PRKCQ: variants seen among roughly 807,000 people sequenced by gnomAD.
PRKCQ encodes protein kinase C theta.
Under a neutral mutation model 91.2 loss-of-function variants are expected in PRKCQ, and 41 were observed. The ratio of observed to expected loss-of-function variants is 0.45; its 90% CI spans 0.35 to 0.58. The LOEUF (loss-of-function observed/expected upper bound fraction) is 0.58. Among genes scored for constraint, PRKCQ ranks in the 20% least tolerant of loss-of-function variants. The probability of loss-of-function intolerance (pLI) is 0.00; values close to 1 mark genes in which losing one functional copy is unlikely to be tolerated. For synonymous variants in PRKCQ, 307 were observed against 316.9 expected (o/e 0.97, Z 0.33); for missense variants, 673 against 896.5 (o/e 0.75, Z 3.18).
At chr10:6,474,251 C>G (rs1042597601) in intron 12 of PRKCQ, among the ~76,000 whole-genome samples, 1 of 152,198 alleles carries the variant, frequency 6.6e-6, no homozygotes, top group Non-Finnish European at 1.5e-5. Flanking sequence ...TTGGCATCAC[C>G]CTGGGAGGCC....
chr10:6,449,764 G>T (rs1834547205), intron 15 of PRKCQ, among the ~76,000 whole-genome samples: 1 of 152,200 alleles, frequency 6.6e-6, no homozygotes, highest in Non-Finnish European at 1.5e-5. Flanking sequence ...CCAGAAGACA[G>T]TGGGGACCAA....
chr10:6,502,661 G>T (rs1837982055), intron 4 of PRKCQ, among the ~76,000 whole-genome samples: 3 of 152,166 alleles, frequency 2.0e-5, no homozygotes. Flanking sequence ...GATGGGATAT[G>T]GCAGGAGGTA....
chr10:6,451,225 T>TA (rs1368007113), intron 15 of PRKCQ, among the ~76,000 whole-genome samples: 1 of 148,740 alleles, frequency 6.7e-6, no homozygotes, highest in East Asian at 2.3e-4. Context: ...ATAAACACAA[T>TA]AAAAAATGAT....
chr10:6,508,373 C>G (rs1473226770), intron 3 of PRKCQ, among the ~76,000 whole-genome samples: 1 of 152,194 alleles, frequency 6.6e-6, no homozygotes, highest in Non-Finnish European at 1.5e-5. Flanking sequence ...TAAGAAATAG[C>G]AAGTAATGTC....
intron 1 of PRKCQ, among the ~76,000 whole-genome samples, chr10:6,519,144 G>T (rs1838897603): frequency 6.6e-6 from 1 of 152,184 alleles, no homozygotes; most frequent in Non-Finnish European, 1.5e-5. Context: ...ATTTTCATGG[G>T]TTGCCTTTTG....
chr10:6,432,200 G>T (rs554835838), intron 16 of PRKCQ, among the ~76,000 whole-genome samples: 1 of 152,232 alleles, frequency 6.6e-6, no homozygotes, highest in African/African-American at 2.4e-5. Flanking sequence ...CCAGGGACTT[G>T]ACCTCCATTC....
chr10:6,428,477 G>T lies in PRKCQ; in HGVS notation c.1966-115C>A, dbSNP rs1280464605. ...GCGTATGGCAAAGTTGGTGTTTGCA[G>T]AGACACTAAATGGAGGCAATGCCTA... On this transcript the variant is annotated intron_variant, in intron 17 of 17. Transcript: ENST00000263125. The T allele has an allele frequency of 3.4e-6, 4 of 1,190,746 alleles. No individual in the cohort carries two copies. The East Asian group carries it at 9.4e-5, about 28-fold the overall frequency. 73.8% of individuals were successfully genotyped at this position (1,190,746 alleles called of 1,614,324 possible). A position where few individuals can be genotyped will look rare whatever the true frequency, so the allele number is the denominator to read the frequency against.
intron 3 of PRKCQ, among the ~76,000 whole-genome samples, chr10:6,509,398 TA>T (rs367752816): frequency 0.025 from 3,748 of 150,398 alleles, 68 homozygotes; most frequent in East Asian, 0.084. Flanking sequence ...GACGACTCTT[TA>T]AAAAAAAAAT....
At chr10:6,423,120 C>T (rs1007192569), downstream of PRKCQ, among the ~76,000 whole-genome samples, 1 of 152,196 alleles carries the variant, frequency 6.6e-6, no homozygotes, top group Non-Finnish European at 1.5e-5. Flanking sequence ...GAGGCTGATG[C>T]TGCAGCCAGG....
chr10:6,537,154 G>A (rs917178293), intron 1 of PRKCQ, among the ~76,000 whole-genome samples: 2 of 152,298 alleles, frequency 1.3e-5, no homozygotes, highest in East Asian at 3.9e-4. Context: ...GGCATTTGTT[G>A]AATGCTTGCA....
At chr10:6,561,795 G>A (rs990056357) in intron 1 of PRKCQ, among the ~76,000 whole-genome samples, 5 of 152,164 alleles carry the variant, frequency 3.3e-5, no homozygotes, top group Non-Finnish European at 7.3e-5. Flanking sequence ...TCGTCAGTAC[G>A]TATGTGTGTG....
chr10:6,519,777 C>T (rs916656590), intron 1 of PRKCQ, among the ~76,000 whole-genome samples: 1 of 152,118 alleles, frequency 6.6e-6, no homozygotes, highest in African/African-American at 2.4e-5. Context: ...CATATGTTTA[C>T]CCCTGGCACC....
chr10:6,439,070 G>A (rs771150770), intron 16 of PRKCQ, among the ~76,000 whole-genome samples: 2 of 152,084 alleles, frequency 1.3e-5, no homozygotes, highest in Admixed American at 6.5e-5. Context: ...AGAATATTTC[G>A]CATCCTCAAA....
intron 1 of PRKCQ, among the ~76,000 whole-genome samples, chr10:6,519,621 C>T (rs1397853636): frequency 1.3e-5 from 2 of 152,106 alleles, no homozygotes; most frequent in African/African-American, 4.8e-5. Flanking sequence ...AAATGCAGAC[C>T]CCAAGCCAGT....
intron 16 of PRKCQ, among the ~76,000 whole-genome samples, chr10:6,432,096 A>T (rs1012523506): frequency 5.9e-5 from 9 of 152,212 alleles, no homozygotes; most frequent in African/African-American, 2.2e-4. Context: ...ATGTTTATTT[A>T]TGAAGTAACC....
chr10:6,442,983 A>C (rs1050012100), intron 15 of PRKCQ, among the ~76,000 whole-genome samples: 1 of 152,106 alleles, frequency 6.6e-6, no homozygotes, highest in African/African-American at 2.4e-5. Context: ...AAAACCCCAA[A>C]GCACTCAAAT....
At chr10:6,407,219 G>T in the PRKCQ span, among the ~76,000 whole-genome samples, 25 of 152,024 alleles carry the variant, frequency 1.6e-4, no homozygotes, top group Non-Finnish European at 2.6e-4. The surrounding 1 kb of genome is among the most constrained non-coding windows in gnomAD (Gnocchi z 4.0). Flanking sequence ...GGCTGAGCTT[G>T]CAGGTAAGCG....
intron 1 of PRKCQ, among the ~76,000 whole-genome samples, chr10:6,562,203 C>T (rs1200147103): frequency 2.0e-5 from 3 of 152,090 alleles, no homozygotes; most frequent in African/African-American, 7.2e-5. Context: ...GTGTGGTTCT[C>T]CTGCAGGGCA....
chr10:6,413,935 C>T, the PRKCQ span, among the ~76,000 whole-genome samples: 2 of 152,236 alleles, frequency 1.3e-5, no homozygotes, highest in Admixed American at 6.5e-5. Flanking sequence ...GCCTTCCCAC[C>T]AGAAACAACC....
Sources: allele counts gnomAD v4.1 joint callset (sites outside exome capture counted in the v4.1 genomes callset), GRCh38; gene constraint gnomAD v4.1.1; non-coding constraint Gnocchi (gnomAD v3.1); transcripts MANE v1.5; gene names NCBI Gene and HGNC (gene_info 2026-07-23, HGNC 2026-07-21).